CANX: variants seen among roughly 807,000 people sequenced by gnomAD.
CANX encodes the protein calnexin.
A neutral mutation model predicts 75.7 loss-of-function variants in CANX; 14 were observed. That is an observed-to-expected ratio of 0.19 (90% CI 0.12 to 0.29). CANX has a LOEUF of 0.29. CANX is among the 10% of genes least tolerant of loss of function. CANX has a pLI of 1.00. For synonymous variants in CANX, 227 were observed against 236.9 expected (o/e 0.96, Z 0.38); for missense variants, 567 against 713.2 (o/e 0.79, Z 2.34).
At chr5:179,706,762 T>C (rs1017609139) in intron 3 of CANX, among the ~76,000 whole-genome samples, 2 of 152,158 alleles carry the variant, frequency 1.3e-5, no homozygotes, top group African/African-American at 4.8e-5. Context: ...TGGCCTGAAA[T>C]TTCTAGCTTT....
At chr5:179,723,833 T>C (rs1287659106) in intron 12 of CANX, 54 bp downstream of exon 12, 2 of 1,486,914 alleles carry the variant, frequency 1.3e-6, no homozygotes, top group African/African-American at 2.9e-5. Flanking sequence ...CTAGTGATTA[T>C]TAAAAATAAC....
intron 1 of CANX, among the ~76,000 whole-genome samples, chr5:179,689,848 A>T (rs985991445): frequency 6.6e-6 from 1 of 152,162 alleles, no homozygotes; most frequent in African/African-American, 2.4e-5. Flanking sequence ...AGGACATTTA[A>T]TGAAGACTTC....
chr5:179,718,078 C>T (rs539843609), intron 8 of CANX, among the ~76,000 whole-genome samples: 2 of 152,284 alleles, frequency 1.3e-5, no homozygotes, highest in Admixed American at 1.3e-4. Flanking sequence ...GGTCACGGCT[C>T]ACTGCAGCTT....
chr5:179,699,028 C>G lies in CANX; in HGVS notation c.-78C>G. 1 of 1,111,124 alleles carries G rather than the reference C, an allele frequency of 9.0e-7. No homozygotes were observed. Among genetic ancestry groups the G allele is most frequent in the Non-Finnish European group, 1.1e-6 (1 of 903,500 alleles). 68.8% of individuals were successfully genotyped at this position (1,111,124 alleles called of 1,614,324 possible). The stretch of plus-strand genomic sequence containing the variant: ...ACGGTCGGGCCGCCTCCGCCTCTCT[C>G]TTTACTGCGGCGCGGGGCAAGGTGT... On this transcript the variant is annotated 5_prime_UTR_variant, in exon 1 of 15. Coordinates refer to ENST00000247461, the MANE Select transcript of CANX (RefSeq NM_001746.4).
At chr5:179,684,339 T>A (rs1269354544) in intron 1 of CANX, among the ~76,000 whole-genome samples, 1 of 150,898 alleles carries the variant, frequency 6.6e-6, no homozygotes, top group East Asian at 1.9e-4. Flanking sequence ...CACCTGAGCC[T>A]CCCAAAGTGC....
chr5:179,679,373 T>G (rs1775994868), intron 1 of CANX: 1 of 973,152 alleles, frequency 1.0e-6, no homozygotes, highest in African/African-American at 1.7e-5. Context: ...CGGCTGTGTC[T>G]CACCAGCTGC....
At position 179,731,014 on chromosome 5, in the gene CANX, CTA is replaced by C. The variant is rs1029748346; in HGVS notation, c.*2372_*2373del. On this transcript the variant is annotated 3_prime_UTR_variant, in exon 15 of 15. Transcript: ENST00000247461. ...GGGTTGATCTTCGTATAATTGGCCA[CTA>C]TGTGAGAGTTCACTACTAGGCAGAA... 11 of 152,286 alleles carry C rather than the reference CTA, an allele frequency of 7.2e-5. No homozygotes were observed. The highest frequency in any genetic ancestry group is 1.9e-4 in the East Asian group (1 of 5,184). The allele number at this position is 152,286 out of a possible 1,614,324, so 9.4% of individuals were successfully genotyped here.
intron 7 of CANX, among the ~76,000 whole-genome samples, chr5:179,711,433 C>CA (rs1217144239): frequency 1.3e-5 from 2 of 151,736 alleles, no homozygotes; most frequent in Admixed American, 6.6e-5. Flanking sequence ...AAAAACAAAA[C>CA]AAAAAACCCA....
intron 1 of CANX, among the ~76,000 whole-genome samples, chr5:179,687,733 G>A (rs191824335): frequency 6.6e-6 from 1 of 152,094 alleles, no homozygotes; most frequent in African/African-American, 2.4e-5. Context: ...GTATGTCTAT[G>A]TTATTAAAGT....
chr5:179,679,874 G>T (rs1776011199), intron 1 of CANX, among the ~76,000 whole-genome samples: 2 of 150,854 alleles, frequency 1.3e-5, no homozygotes, highest in South Asian at 4.2e-4. Flanking sequence ...GGCCAGGCTG[G>T]TCTCGAACTC....
In CANX at chr5:179,706,746, C is replaced by T. The variant is rs547192978; in HGVS notation, c.246-386C>T. 1.4e-4 allele frequency among the ~76,000 whole-genome samples: 21 copies of T among 152,268 alleles called. No individual in the cohort carries two copies. The East Asian group carries it at 1.7e-3, about 13-fold the overall frequency. On this transcript the variant is annotated intron_variant, in intron 3 of 14. Coordinates refer to ENST00000247461, the MANE Select transcript of CANX (RefSeq NM_001746.4). ...TGTTGGCATTACAGGCATGAGCCAC[C>T]GCACCTGGCCTGAAATTTCTAGCTT...
At chr5:179,690,147 G>A (rs891016107) in intron 1 of CANX, among the ~76,000 whole-genome samples, 1 of 152,186 alleles carries the variant, frequency 6.6e-6, no homozygotes, top group Non-Finnish European at 1.5e-5. Context: ...GCAACCAAGA[G>A]GAATATTCCC....
upstream of CANX, among the ~76,000 whole-genome samples, chr5:179,695,760 C>T (rs1334407985): frequency 2.6e-5 from 4 of 152,016 alleles, no homozygotes; most frequent in Admixed American, 2.6e-4. Context: ...ACACCATTCT[C>T]CTGCCTCAGC....
At chr5:179,693,280 C>A (rs1483723174) in intron 1 of CANX, among the ~76,000 whole-genome samples, 1 of 151,964 alleles carries the variant, frequency 6.6e-6, no homozygotes. Context: ...TGGTTCACAC[C>A]TGTAATATCA....
intron 8 of CANX, among the ~76,000 whole-genome samples, chr5:179,717,588 A>G: frequency 6.6e-6 from 1 of 152,152 alleles, no homozygotes; most frequent in Non-Finnish European, 1.5e-5. Context: ...CTGTTTTGAT[A>G]ATGCCACATT....
chr5:179,696,378 C>T (rs1382836583), upstream of CANX, among the ~76,000 whole-genome samples: 3 of 146,704 alleles, frequency 2.0e-5, no homozygotes, highest in African/African-American at 5.1e-5. Context: ...CGGGTTCAAG[C>T]GATTGTCCTG....
chr5:179,718,415 A>G (rs1175382439), intron 8 of CANX, among the ~76,000 whole-genome samples: 1 of 151,766 alleles, frequency 6.6e-6, no homozygotes, highest in East Asian at 1.9e-4. Flanking sequence ...TAGAGATGGG[A>G]TTTCACCATG....
intron 1 of CANX, among the ~76,000 whole-genome samples, chr5:179,684,279 T>TA (rs1291073117): frequency 6.6e-6 from 1 of 152,042 alleles, no homozygotes; most frequent in Non-Finnish European, 1.5e-5. Flanking sequence ...GACGGGGTCT[T>TA]ACCGTGGTGC....
Position 179,719,659 on chromosome 5 carries a change from G to A in CANX, c.912-9G>A, listed in dbSNP as rs1239381153. 3.9e-6 allele frequency: 6 copies of A among 1,550,112 alleles called. No homozygotes were observed. The Admixed American group carries it at 1.0e-4, about 26-fold the overall frequency. ...GTTGTCATAACTGGCTTTTTCTTTTGTATTTAAGGGATGAAGATGCCCCTG... is the reference window on the plus strand; with the variant it reads ...GTTGTCATAACTGGCTTTTTCTTTTATATTTAAGGGATGAAGATGCCCCTG... On this transcript the variant is annotated splice_polypyrimidine_tract_variant and intron_variant, in intron 8 of 14. Coordinates refer to ENST00000247461, the MANE Select transcript of CANX (RefSeq NM_001746.4).
Sources: allele counts gnomAD v4.1 joint callset (sites outside exome capture counted in the v4.1 genomes callset), GRCh38; gene constraint gnomAD v4.1.1; transcripts MANE v1.5; gene names NCBI Gene and HGNC (gene_info 2026-07-23, HGNC 2026-07-21).